SCFD2: variants seen among roughly 807,000 people sequenced by gnomAD.
The protein encoded by SCFD2 is sec1 family domain-containing protein 2.
SCFD2 carries 54 observed loss-of-function variants against 58.9 expected under a neutral mutation model. The ratio of observed to expected loss-of-function variants is 0.92; its 90% confidence interval spans 0.74 to 1.15. The LOEUF (loss-of-function observed/expected upper bound fraction) is 1.15. SCFD2 is among the 50% of genes most tolerant of loss of function. The pLI, the probability that SCFD2 is intolerant of heterozygous loss-of-function variation, is 0.00. For synonymous variants in SCFD2, 321 were observed against 335.9 expected (o/e 0.96, Z 0.49); for missense variants, 805 against 836.6 (o/e 0.96, Z 0.47).
chr4:53,178,602 C>G (rs1727427828), intron 4 of SCFD2, among the ~76,000 whole-genome samples: 1 of 152,158 alleles, frequency 6.6e-6, no homozygotes, highest in Non-Finnish European at 1.5e-5. Flanking sequence ...CTATCCTCCT[C>G]CAAAGGAATG....
intron 4 of SCFD2, among the ~76,000 whole-genome samples, chr4:53,239,250 TGA>T (rs1313378561): frequency 6.6e-6 from 1 of 151,864 alleles, no homozygotes; most frequent in Non-Finnish European, 1.5e-5. Flanking sequence ...CTCGGCAGGC[TGA>T]GTCAGGAGAG....
At chr4:53,329,704 G>T (rs968047396) in intron 2 of SCFD2, among the ~76,000 whole-genome samples, 1 of 152,146 alleles carries the variant, frequency 6.6e-6, no homozygotes, top group Admixed American at 6.5e-5. Flanking sequence ...TCCTCCAAAG[G>T]AACGCAGTTC....
chr4:53,333,994 G>C (rs962082474), intron 2 of SCFD2, among the ~76,000 whole-genome samples: 44 of 151,018 alleles, frequency 2.9e-4, no homozygotes, highest in Non-Finnish European at 5.9e-4. Context: ...AAAAACACAT[G>C]AAAAAATGCT....
chr4:53,021,806 G>T (rs1722355562), intron 5 of SCFD2, among the ~76,000 whole-genome samples: 1 of 152,070 alleles, frequency 6.6e-6, no homozygotes, highest in African/African-American at 2.4e-5. Context: ...ATCTTGTTTT[G>T]TTCACAGTGC....
intron 2 of SCFD2, among the ~76,000 whole-genome samples, chr4:53,350,745 T>C (rs1734192811): frequency 6.6e-6 from 1 of 152,238 alleles, no homozygotes; most frequent in Non-Finnish European, 1.5e-5. Context: ...AGTCTCATTC[T>C]GTTGCCCAGG....
intron 6 of SCFD2, among the ~76,000 whole-genome samples, chr4:52,919,961 C>A (rs185843802): frequency 1.2e-4 from 19 of 152,278 alleles, no homozygotes; most frequent in African/African-American, 4.3e-4. Context: ...AAATAAGATT[C>A]CCCACAGTTA....
At chr4:53,338,756 A>G (rs1264477535) in intron 2 of SCFD2, among the ~76,000 whole-genome samples, 1 of 150,806 alleles carries the variant, frequency 6.6e-6, no homozygotes, top group Non-Finnish European at 1.5e-5. Context: ...AATTTTTTGT[A>G]TTTTTAGTAG....
At chr4:53,172,409 AGT>A (rs1727207315) in intron 4 of SCFD2, among the ~76,000 whole-genome samples, 1 of 152,078 alleles carries the variant, frequency 6.6e-6, no homozygotes, top group Non-Finnish European at 1.5e-5. Flanking sequence ...GTTCTTTTCT[AGT>A]TCCTTGAGAT....
chr4:53,220,984 G>GA (rs1247415461), intron 4 of SCFD2, among the ~76,000 whole-genome samples: 1 of 152,042 alleles, frequency 6.6e-6, no homozygotes, highest in Non-Finnish European at 1.5e-5. Flanking sequence ...TTTAATCATA[G>GA]AAAAAAATAG....
chr4:53,140,075 C>T (rs982552194), intron 5 of SCFD2, among the ~76,000 whole-genome samples: 2 of 151,774 alleles, frequency 1.3e-5, no homozygotes, highest in Non-Finnish European at 2.9e-5. Flanking sequence ...CTGCGGAAGG[C>T]GGCAGGGCCC....
chr4:53,071,340 T>G (rs1274244045), intron 5 of SCFD2, among the ~76,000 whole-genome samples: 1 of 152,108 alleles, frequency 6.6e-6, no homozygotes, highest in Non-Finnish European at 1.5e-5. Flanking sequence ...CACTCACAGC[T>G]GAGCCTAATA....
intron 3 of SCFD2, among the ~76,000 whole-genome samples, chr4:53,288,136 C>T (rs1263732400): frequency 1.3e-5 from 2 of 151,396 alleles, no homozygotes; most frequent in East Asian, 1.9e-4. Context: ...CAACAGCAGA[C>T]CAGATCAAGC....
intron 4 of SCFD2, among the ~76,000 whole-genome samples, chr4:53,176,779 T>A (rs1307397867): frequency 2.0e-5 from 3 of 151,982 alleles, no homozygotes; most frequent in African/African-American, 7.2e-5. Flanking sequence ...TGAAATCCCA[T>A]CTCTACTAAA....
chr4:53,125,889 G>T (rs1267492204), intron 5 of SCFD2, among the ~76,000 whole-genome samples: 2 of 152,136 alleles, frequency 1.3e-5, no homozygotes, highest in Non-Finnish European at 2.9e-5. Context: ...TTCCATCCAG[G>T]TTGGGAAGAG....
At chr4:52,899,814 T>G (rs979036627) in intron 7 of SCFD2, among the ~76,000 whole-genome samples, 30 of 152,222 alleles carry the variant, frequency 2.0e-4, no homozygotes, top group African/African-American at 7.0e-4. Context: ...GGTCTTTTCA[T>G]ATAGTCCCAT....
intron 5 of SCFD2, among the ~76,000 whole-genome samples, chr4:52,927,802 T>C (rs975271231): frequency 1.3e-5 from 2 of 152,164 alleles, no homozygotes; most frequent in Non-Finnish European, 2.9e-5. Context: ...TCCTATTTTA[T>C]AAAAGGATTG....
chr4:53,150,553 GA>G (rs1380436218), intron 4 of SCFD2, among the ~76,000 whole-genome samples: 2 of 152,190 alleles, frequency 1.3e-5, no homozygotes, highest in Admixed American at 6.5e-5. Context: ...TCCATAGATT[GA>G]AAATGTTTTA....
At chr4:52,878,113 C>G (rs747588076) in intron 8 of SCFD2, among the ~76,000 whole-genome samples, 2 of 152,204 alleles carry the variant, frequency 1.3e-5, no homozygotes, top group Non-Finnish European at 2.9e-5. Context: ...CTCCCGCAAG[C>G]CTGAGTGTGT....
intron 5 of SCFD2, among the ~76,000 whole-genome samples, chr4:53,042,111 T>C (rs1211956483): frequency 6.6e-6 from 1 of 152,144 alleles, no homozygotes; most frequent in Non-Finnish European, 1.5e-5. Context: ...TTCTGGGCCC[T>C]TTAGTAATCA....
Sources: allele counts gnomAD v4.1 joint callset (sites outside exome capture counted in the v4.1 genomes callset), GRCh38; gene constraint gnomAD v4.1.1; transcripts MANE v1.5; gene names NCBI Gene and HGNC (gene_info 2026-07-23, HGNC 2026-07-21).